The following RCSD1 variants were observed in gnomAD, a reference collection of about 807,000 sequenced individuals.
RCSD1 encodes RCSD domain containing 1, also known as capZ-interacting protein.
A neutral mutation model predicts 42.5 loss-of-function variants in RCSD1; 26 were observed. The ratio of observed to expected loss-of-function variants is 0.61; its 90% CI spans 0.45 to 0.85. The LOEUF (loss-of-function observed/expected upper bound fraction) is 0.85, where lower values mean the gene tolerates loss of function less well. RCSD1 is among the 40% of genes least tolerant of loss of function. The probability of loss-of-function intolerance (pLI) is 0.00; values close to 1 mark genes in which losing one functional copy is unlikely to be tolerated. For synonymous variants in RCSD1, 220 were observed against 212.2 expected (o/e 1.04, Z -0.32); for missense variants, 571 against 528.3 (o/e 1.08, Z -0.79).
Position 167,704,645 on chromosome 1 carries a change from T to C in RCSD1, c.1219-19T>C. 11 of 1,610,470 alleles carry C rather than the reference T, an allele frequency of 6.8e-6. No individual in the cohort carries two copies. Among genetic ancestry groups the C allele is most frequent in the Non-Finnish European group, 7.6e-6 (9 of 1,177,172 alleles). ...TCCTCACCATTTTCCTAATTAATTC[T>C]TTCCTCCCCTGTTCACAGGATGACA... On this transcript the variant is annotated intron_variant, in intron 6 of 6. Transcript: ENST00000367854.
chr1:167,669,174 T>C (rs1440434357), intron 1 of RCSD1, among the ~76,000 whole-genome samples: 1 of 152,260 alleles, frequency 6.6e-6, no homozygotes, highest in East Asian at 1.9e-4. Context: ...CCTTGATTTA[T>C]GGATAATAGG....
At chr1:167,692,426 C>G (rs1659396720) in intron 4 of RCSD1, among the ~76,000 whole-genome samples, 1 of 152,194 alleles carries the variant, frequency 6.6e-6, no homozygotes, top group African/African-American at 2.4e-5. Flanking sequence ...ACCCCCTCTG[C>G]CATGAAGCCC....
intron 1 of RCSD1, 90 bp from the exon 2 acceptor site, chr1:167,683,810 G>A (rs980688906): frequency 4.2e-6 from 5 of 1,196,162 alleles, no homozygotes; most frequent in Non-Finnish European, 4.9e-6. Flanking sequence ...CACTGTCACA[G>A]CATTCCTGCT....
At chr1:167,688,300 T>C (rs989072918) in intron 3 of RCSD1, among the ~76,000 whole-genome samples, 2 of 152,192 alleles carry the variant, frequency 1.3e-5, no homozygotes, top group African/African-American at 2.4e-5. Flanking sequence ...TAATATTACA[T>C]GAAGTGAGCT....
chr1:167,696,214 A>G (rs1482191871), intron 5 of RCSD1, among the ~76,000 whole-genome samples: 1 of 152,110 alleles, frequency 6.6e-6, no homozygotes, highest in Non-Finnish European at 1.5e-5. Context: ...CATCTTTGTC[A>G]AAGTATAATT....
At chr1:167,700,135 G>A (rs913104112) in intron 6 of RCSD1, among the ~76,000 whole-genome samples, 3 of 152,168 alleles carry the variant, frequency 2.0e-5, no homozygotes, top group South Asian at 4.1e-4. Flanking sequence ...GATTTTAAAA[G>A]AAGACAGAAA....
At chr1:167,702,505 G>T (rs142006470) in intron 6 of RCSD1, among the ~76,000 whole-genome samples, 1 of 152,192 alleles carries the variant, frequency 6.6e-6, no homozygotes, top group Non-Finnish European at 1.5e-5. Context: ...TTATCTGGGC[G>T]TGGTGGCTCA....
At chr1:167,702,852 G>A (rs1659675681) in intron 6 of RCSD1, among the ~76,000 whole-genome samples, 3 of 152,130 alleles carry the variant, frequency 2.0e-5, no homozygotes, top group Admixed American at 6.6e-5. Context: ...CACTCATTAT[G>A]TATCCAGTAT....
intron 1 of RCSD1, among the ~76,000 whole-genome samples, chr1:167,642,182 G>A (rs111566288): frequency 6.6e-6 from 1 of 152,198 alleles, no homozygotes; most frequent in African/African-American, 2.4e-5. Flanking sequence ...TCCAAATGAT[G>A]AGAGCTAGAA....
chr1:167,646,313 G>A (rs764220099), intron 1 of RCSD1, among the ~76,000 whole-genome samples: 13 of 152,114 alleles, frequency 8.5e-5, no homozygotes, highest in African/African-American at 3.1e-4. Flanking sequence ...CCTGGGTGGT[G>A]AGCAGCGGCT....
At chr1:167,670,655 T>C (rs1363756297) in intron 1 of RCSD1, among the ~76,000 whole-genome samples, 3 of 152,172 alleles carry the variant, frequency 2.0e-5, no homozygotes, top group Admixed American at 2.0e-4. Flanking sequence ...AGCAGGTGCT[T>C]CAGGGTCTGC....
In RCSD1 at chr1:167,690,812, C is replaced by G. The variant is rs12403280; in HGVS notation, c.270+692C>G. Among the ~76,000 whole-genome samples the G allele has an allele frequency of 6.9e-3, 1,052 of 152,292 alleles. 48 individuals are homozygous for G. Among genetic ancestry groups the G allele is most frequent in the Admixed American group, 0.063 (962 of 15,300 alleles). On this transcript the variant is annotated intron_variant, in intron 4 of 6. Coordinates refer to ENST00000367854, the MANE Select transcript of RCSD1 (RefSeq NM_052862.4). ...TTCAGCCCTGCATAGGGCTGGTGTT[C>G]AGTTGCTGCACACTGCACCAGTCTG...
At chr1:167,641,948 G>A (rs76433575) in intron 1 of RCSD1, 2,699 of 152,336 alleles carry the variant, frequency 0.018, 67 homozygotes, top group African/African-American at 0.059. Context: ...CCTGCTGCAA[G>A]TCCATTGAGG....
At chr1:167,684,942 G>T (rs971661406) in intron 2 of RCSD1, among the ~76,000 whole-genome samples, 2 of 152,206 alleles carry the variant, frequency 1.3e-5, no homozygotes, top group African/African-American at 4.8e-5. Context: ...ATCTATCGTG[G>T]CCCCTTGGGG....
chr1:167,684,915 C>G (rs897239628), intron 2 of RCSD1, among the ~76,000 whole-genome samples: 18 of 152,298 alleles, frequency 1.2e-4, no homozygotes, highest in African/African-American at 4.1e-4. Context: ...GGGAAGGGTG[C>G]CCCAAGGTGG....
At chr1:167,671,930 G>A (rs1658819066) in intron 1 of RCSD1, among the ~76,000 whole-genome samples, 1 of 152,194 alleles carries the variant, frequency 6.6e-6, no homozygotes, top group Non-Finnish European at 1.5e-5. Context: ...AGAATGACCA[G>A]CTCTGCTTAC....
intron 3 of RCSD1, among the ~76,000 whole-genome samples, chr1:167,686,160 A>T (rs1358341016): frequency 6.6e-6 from 1 of 152,174 alleles, no homozygotes; most frequent in Non-Finnish European, 1.5e-5. Flanking sequence ...TGCCTTCTCC[A>T]CACCTTATGC....
chr1:167,660,611 T>A (rs1658520623), intron 1 of RCSD1, among the ~76,000 whole-genome samples: 1 of 152,162 alleles, frequency 6.6e-6, no homozygotes, highest in Non-Finnish European at 1.5e-5. Context: ...TATGTAGGAC[T>A]ATAGGTGCAT....
chr1:167,635,947 AG>A (rs1380517841), intron 1 of RCSD1, among the ~76,000 whole-genome samples: 2 of 152,262 alleles, frequency 1.3e-5, no homozygotes, highest in Non-Finnish European at 2.9e-5. Flanking sequence ...GCAAAGTTTC[AG>A]TAATGCTTCG....
Sources: allele counts gnomAD v4.1 joint callset (sites outside exome capture counted in the v4.1 genomes callset), GRCh38; gene constraint gnomAD v4.1.1; transcripts MANE v1.5; gene names NCBI Gene and HGNC (gene_info 2026-07-23, HGNC 2026-07-21).